SAMD12: variants seen among roughly 807,000 people sequenced by gnomAD.
SAMD12 encodes the protein sterile alpha motif domain-containing protein 12.
Under a neutral mutation model 15.0 loss-of-function variants are expected in SAMD12, and 9 were observed. The ratio of observed to expected loss-of-function variants is 0.60; its 90% confidence interval spans 0.36 to 1.05. The LOEUF (loss-of-function observed/expected upper bound fraction) is 1.05. Among genes scored for constraint, SAMD12 ranks in the 50% least tolerant of loss-of-function variants. SAMD12 has a pLI of 0.01. For synonymous variants in SAMD12, 86 were observed against 90.1 expected (o/e 0.96, Z 0.25); for missense variants, 230 against 234.2 (o/e 0.98, Z 0.12).
the SAMD12 span, among the ~76,000 whole-genome samples, chr8:118,182,679 G>C: frequency 6.6e-6 from 1 of 152,024 alleles, no homozygotes; most frequent in Non-Finnish European, 1.5e-5. Flanking sequence ...GAGGGCACTG[G>C]GTATTTACTT....
chr8:118,325,429 G>T (rs114586563), intron 4 of SAMD12, among the ~76,000 whole-genome samples: 1 of 152,062 alleles, frequency 6.6e-6, no homozygotes, highest in Non-Finnish European at 1.5e-5. Flanking sequence ...TTGCTCCCCC[G>T]GGTTTATTGA....
the SAMD12 span, among the ~76,000 whole-genome samples, chr8:118,159,542 C>T: frequency 5.3e-5 from 8 of 152,216 alleles, no homozygotes; most frequent in South Asian, 4.2e-4. Context: ...TGGGCAAAGG[C>T]GCCAACTGCC....
rs186967916 is a variant in SAMD12 at position 118,443,389 on chromosome 8, T to C, written c.193-3428A>G. On this transcript the variant is annotated intron_variant, in intron 2 of 3. Transcript: ENST00000314727. ...AGGAGGATCGCTTGAACCTGGGAGG[T>C]GGAGATTGCCTTGAGCAGAGATCGT... 1.6e-4 allele frequency among the ~76,000 whole-genome samples: 24 copies of C among 151,762 alleles called. No homozygotes were observed. In the East Asian group the frequency reaches 4.7e-3, roughly 30 times the overall value.
At chr8:118,235,452 G>A (rs1424353558) in intron 4 of SAMD12, among the ~76,000 whole-genome samples, 13 of 151,970 alleles carry the variant, frequency 8.6e-5, no homozygotes, top group African/African-American at 2.4e-4. Context: ...CTTGTGATCC[G>A]CCCACCTTGG....
At chr8:118,368,395 G>C (rs551371595) in intron 4 of SAMD12, among the ~76,000 whole-genome samples, 1 of 152,170 alleles carries the variant, frequency 6.6e-6, no homozygotes, top group East Asian at 1.9e-4. Flanking sequence ...TGAGCTCATG[G>C]TCATAGAAGA....
intron 4 of SAMD12, among the ~76,000 whole-genome samples, chr8:118,269,707 C>T (rs1167318989): frequency 6.6e-6 from 1 of 152,152 alleles, no homozygotes; most frequent in Non-Finnish European, 1.5e-5. Context: ...GGTTTTTGGT[C>T]TCTTTTATTG....
intron 4 of SAMD12, among the ~76,000 whole-genome samples, chr8:118,242,428 C>T (rs1026841707): frequency 2.0e-5 from 3 of 152,048 alleles, no homozygotes; most frequent in Admixed American, 6.6e-5. Flanking sequence ...ATCCTTGGTA[C>T]AGTAGGTACA....
intron 2 of SAMD12, among the ~76,000 whole-genome samples, chr8:118,568,840 T>G (rs192691140): frequency 6.6e-6 from 1 of 152,160 alleles, no homozygotes; most frequent in African/African-American, 2.4e-5. Flanking sequence ...CTGACCTCAG[T>G]TGAAAAAGCA....
chr8:118,423,539 C>T (rs554624726), intron 3 of SAMD12, among the ~76,000 whole-genome samples: 1 of 152,282 alleles, frequency 6.6e-6, no homozygotes, highest in South Asian at 2.1e-4. Flanking sequence ...ACTTCCCAGT[C>T]AACCAGGCTT....
intron 4 of SAMD12, among the ~76,000 whole-genome samples, chr8:118,230,938 A>C (rs2451178): frequency 1.3e-5 from 2 of 152,196 alleles, no homozygotes; most frequent in East Asian, 3.9e-4. Flanking sequence ...TTTTAAGCAG[A>C]GAAGTGATGA....
At chr8:118,163,869 C>T in the SAMD12 span, among the ~76,000 whole-genome samples, 4 of 131,304 alleles carry the variant, frequency 3.0e-5, no homozygotes, top group African/African-American at 1.1e-4. Flanking sequence ...AGCGAGACTC[C>T]GTCTCAAACA....
chr8:118,298,761 T>C (rs902066751), intron 4 of SAMD12, among the ~76,000 whole-genome samples: 1 of 152,152 alleles, frequency 6.6e-6, no homozygotes, highest in African/African-American at 2.4e-5. Flanking sequence ...AAATGAAGCA[T>C]AAATGTACAA....
intron 2 of SAMD12, among the ~76,000 whole-genome samples, chr8:118,570,111 T>C (rs756566626): frequency 6.6e-6 from 1 of 152,150 alleles, no homozygotes; most frequent in Non-Finnish European, 1.5e-5. Flanking sequence ...CCAGGGACCC[T>C]GAATAGAGCT....
intron 2 of SAMD12, among the ~76,000 whole-genome samples, chr8:118,567,278 T>G (rs956511938): frequency 6.6e-6 from 1 of 152,044 alleles, no homozygotes; most frequent in African/African-American, 2.4e-5. Context: ...TGAAGATAAG[T>G]CAAAAATAGT....
intron 4 of SAMD12, among the ~76,000 whole-genome samples, chr8:118,219,147 C>A (rs930560383): frequency 1.3e-5 from 2 of 152,138 alleles, no homozygotes; most frequent in African/African-American, 2.4e-5. Context: ...TTTGCCTGAA[C>A]CTTGTAGGCA....
chr8:118,324,792 T>C (rs1294611280), intron 4 of SAMD12, among the ~76,000 whole-genome samples: 1 of 152,150 alleles, frequency 6.6e-6, no homozygotes, highest in Non-Finnish European at 1.5e-5. Flanking sequence ...TGCCTGATGT[T>C]AACAGAGTCC....
chr8:118,506,884 C>G (rs1824934714), intron 2 of SAMD12, among the ~76,000 whole-genome samples: 1 of 151,602 alleles, frequency 6.6e-6, no homozygotes, highest in Admixed American at 6.6e-5. Flanking sequence ...CACTGGATCA[C>G]TGGCACATAC....
chr8:118,376,264 G>C (rs918736738), downstream of SAMD12, among the ~76,000 whole-genome samples: 2 of 152,090 alleles, frequency 1.3e-5, no homozygotes, highest in Non-Finnish European at 2.9e-5. Flanking sequence ...AAATATTAAT[G>C]CAATTGTCTA....
intron 4 of SAMD12, among the ~76,000 whole-genome samples, chr8:118,339,103 ATTGT>A (rs1197649120): frequency 6.6e-6 from 1 of 152,134 alleles, no homozygotes; most frequent in East Asian, 1.9e-4. Flanking sequence ...AGGTGTGAGG[ATTGT>A]TTGAGTCCAG....
Sources: gnomAD v4.1 joint callset for allele counts (sites outside exome capture counted in the v4.1 genomes callset) on GRCh38, gnomAD v4.1.1 for gene constraint, MANE v1.5 for transcripts, NCBI Gene and HGNC (gene_info 2026-07-23, HGNC 2026-07-21) for gene names.